TOX2: variants seen among roughly 807,000 people sequenced by gnomAD.
TOX2 encodes the protein TOX high mobility group box family member 2, also known as granulosa cell HMG box 1.
In TOX2, 15 loss-of-function variants were observed where a neutral mutation model predicts 47.4. That is an observed-to-expected ratio of 0.32 (90% CI 0.21 to 0.49). The LOEUF is 0.49. TOX2 is among the 20% of genes least tolerant of loss of function. The probability of loss-of-function intolerance (pLI) is 0.99; values close to 1 mark genes in which losing one functional copy is unlikely to be tolerated. For missense variants in TOX2, 622 were observed against 673.1 expected (o/e 0.92, Z 0.84); for synonymous variants, 290 against 296.6 (o/e 0.98, Z 0.23).
chr20:43,994,459 CAAAA>C, intron 2 of TOX2, among the ~76,000 whole-genome samples: 1 of 127,998 alleles, frequency 7.8e-6, no homozygotes, highest in Non-Finnish European at 1.7e-5. Context: ...ACCCTGTCTC[CAAAA>C]AAAAAAAAAA....
chr20:44,019,113 AAATG>A (rs564796604), intron 3 of TOX2, among the ~76,000 whole-genome samples: 2 of 148,396 alleles, frequency 1.3e-5, no homozygotes, highest in South Asian at 2.1e-4. Context: ...ACTGACTGAA[AAATG>A]AATGAATGAA....
At chr20:43,955,300 G>C (rs2069648499) in intron 1 of TOX2, 1 of 985,312 alleles carries the variant, frequency 1.0e-6, no homozygotes, top group African/African-American at 1.7e-5. Context: ...ACCCTCCTGG[G>C]TCACAGGAGG....
At chr20:43,971,139 C>A (rs2069958435) in intron 1 of TOX2, among the ~76,000 whole-genome samples, 1 of 152,136 alleles carries the variant, frequency 6.6e-6, no homozygotes, top group Non-Finnish European at 1.5e-5. Flanking sequence ...GTGGTAGTGA[C>A]TGCTTTATTT....
At chr20:43,939,813 T>C (rs2069377997) in intron 1 of TOX2, among the ~76,000 whole-genome samples, 1 of 152,198 alleles carries the variant, frequency 6.6e-6, no homozygotes, top group South Asian at 2.1e-4. Context: ...AAAGTACCAG[T>C]GCCTGGCACA....
intron 3 of TOX2, among the ~76,000 whole-genome samples, chr20:44,048,220 G>A (rs6103582): frequency 0.011 from 1,671 of 151,096 alleles, 25 homozygotes; most frequent in African/African-American, 0.039. Context: ...GCAAGACTCC[G>A]TCACAAAAAA....
chr20:44,065,860 C>A lies in TOX2; in HGVS notation c.1109C>A (p.Pro370His), dbSNP rs1221979852. 6.2e-7 allele frequency: 1 copy of A among 1,613,732 alleles called. No individual in the cohort carries two copies. ...DLQAFRSGAS[P>H]ASLARTLGSK... Reference sequence around the variant, plus strand: ...CAGGCCTTCCGCAGTGGGGCCTCCCCTGCCAGCCTCGCCCGGACGCTGGGC... The same window carrying A: ...CAGGCCTTCCGCAGTGGGGCCTCCCATGCCAGCCTCGCCCGGACGCTGGGC... The change falls in exon 7 of 9, where the codon CCT (proline) becomes CAT (histidine). Residue 370 changes from proline (P) to histidine (H), a missense_variant. By Grantham distance (77) the Pro-to-His change is moderately conservative. Around this residue, in one of 3 missense-constraint regions of TOX2, gnomAD observed 294 missense variants for 300.0 expected, o/e 0.98. Coordinates refer to ENST00000341197, the MANE Select transcript of TOX2 (RefSeq NM_001098797.2).
chr20:43,999,512 A>G (rs1310009842), intron 2 of TOX2, among the ~76,000 whole-genome samples: 1 of 152,240 alleles, frequency 6.6e-6, no homozygotes, highest in African/African-American at 2.4e-5. Context: ...ATATGTAGGA[A>G]TAAATTTAAC....
intron 1 of TOX2, among the ~76,000 whole-genome samples, chr20:43,924,934 C>A (rs2069148829): frequency 6.6e-6 from 1 of 152,184 alleles, no homozygotes; most frequent in Non-Finnish European, 1.5e-5. Flanking sequence ...GGTGTACTTC[C>A]CATCAAACCC....
chr20:44,037,818 T>G (rs561522779), intron 3 of TOX2, among the ~76,000 whole-genome samples: 5 of 152,190 alleles, frequency 3.3e-5, no homozygotes, highest in Non-Finnish European at 5.9e-5. Context: ...TACAGAAAAT[T>G]GGTACCAGTA....
At chr20:44,043,109 C>G (rs750371181) in intron 3 of TOX2, among the ~76,000 whole-genome samples, 2 of 152,136 alleles carry the variant, frequency 1.3e-5, no homozygotes, top group Non-Finnish European at 2.9e-5. Context: ...GGGAAGATGT[C>G]ACTCAGGGAC....
intron 1 of TOX2, among the ~76,000 whole-genome samples, chr20:43,961,101 A>AT (rs2069750915): frequency 6.6e-6 from 1 of 152,260 alleles, no homozygotes; most frequent in African/African-American, 2.4e-5. Context: ...AGGGTCCAAT[A>AT]CATGTTTTAC....
intron 1 of TOX2, among the ~76,000 whole-genome samples, chr20:43,937,536 G>T (rs1017896000): frequency 6.6e-6 from 1 of 152,072 alleles, no homozygotes; most frequent in African/African-American, 2.4e-5. Context: ...GGAAGTGAGG[G>T]GTTTTGGACT....
intron 2 of TOX2, among the ~76,000 whole-genome samples, chr20:43,975,663 G>T (rs2070063446): frequency 1.3e-5 from 2 of 152,054 alleles, no homozygotes; most frequent in Non-Finnish European, 2.9e-5. Context: ...CCCTTTCCAT[G>T]ATTCTCATTA....
chr20:44,057,053 C>T (rs6093922), intron 5 of TOX2, among the ~76,000 whole-genome samples: 18,077 of 152,104 alleles, frequency 0.12, 1,246 homozygotes, highest in African/African-American at 0.18. Flanking sequence ...GGACTACAGG[C>T]GTGCCATGCA....
At chr20:43,998,746 T>TCTAC (rs2070524735) in intron 2 of TOX2, among the ~76,000 whole-genome samples, 1 of 152,012 alleles carries the variant, frequency 6.6e-6, no homozygotes, top group Non-Finnish European at 1.5e-5. Flanking sequence ...TATCTATCTA[T>TCTAC]CTATCTATCT....
At chr20:43,966,789 C>A (rs188284472) in intron 1 of TOX2, among the ~76,000 whole-genome samples, 64 of 151,444 alleles carry the variant, frequency 4.2e-4, no homozygotes, top group Non-Finnish European at 8.5e-4. Flanking sequence ...ACTGGAGGCT[C>A]CCACTATGCT....
chr20:43,914,898 G>A lies in TOX2; in HGVS notation c.7G>A (p.Val3Ile), dbSNP rs1377015895. Residue 3 changes from valine to isoleucine, a missense_variant, in exon 1 of 9, where the codon GTC (valine) becomes ATC (isoleucine). Val to Ile is a conservative substitution (Grantham distance 29). Around this residue, in one of 3 missense-constraint regions of TOX2, gnomAD observed 307 missense variants for 327.3 expected, o/e 0.94. Transcript: ENST00000341197. The surrounding 1 kb of genome is among the most constrained non-coding windows in gnomAD (Gnocchi z 4.5). Reference protein sequence around the residue: MDVRLYPSAPAVG... With the variant: MDIRLYPSAPAVG... Reference sequence around the variant, plus strand: ...CGCCGCCGCCGCGCCCGCCATGGACGTCCGCCTGTACCCCTCGGCGCCCGC... The same window carrying A: ...CGCCGCCGCCGCGCCCGCCATGGACATCCGCCTGTACCCCTCGGCGCCCGC... The A allele has an allele frequency of 1.2e-5, 13 of 1,083,912 alleles. No individual in the cohort carries two copies. The highest frequency in any genetic ancestry group is 3.4e-5 in the African/African-American group (2 of 58,932). The allele number at this position is 1,083,912 out of a possible 1,614,324, so 67.1% of individuals were successfully genotyped here.
chr20:43,977,787 G>A (rs1461111675), intron 2 of TOX2, among the ~76,000 whole-genome samples: 2 of 152,164 alleles, frequency 1.3e-5, no homozygotes, highest in African/African-American at 2.4e-5. Flanking sequence ...GCTCCAGGGG[G>A]GTAGAGGACC....
intron 1 of TOX2, among the ~76,000 whole-genome samples, chr20:43,927,700 C>T (rs1263544462): frequency 7.0e-6 from 1 of 142,614 alleles, no homozygotes; most frequent in Non-Finnish European, 1.5e-5. Flanking sequence ...CTTCCCCTTC[C>T]TTCCTTTCTT....
Sources: gnomAD v4.1 joint callset for allele counts (sites outside exome capture counted in the v4.1 genomes callset) on GRCh38, gnomAD v4.1.1 for gene constraint, gnomAD v4.1.1 regional missense constraint, Gnocchi (gnomAD v3.1) non-coding constraint, MANE v1.5 for transcripts, NCBI Gene and HGNC (gene_info 2026-07-23, HGNC 2026-07-21) for gene names.